JUP: variants seen among roughly 807,000 people sequenced by gnomAD.
JUP encodes the protein junction plakoglobin.
JUP carries 28 observed loss-of-function variants against 71.1 expected under a neutral mutation model. The ratio of observed to expected loss-of-function variants is 0.39; its 90% CI spans 0.29 to 0.54. JUP has a LOEUF of 0.54. Ranked by LOEUF, JUP falls within the 20% of genes least tolerant of loss-of-function variation. JUP has a pLI of 0.62. For missense variants in JUP, 869 were observed against 1,030.1 expected (o/e 0.84, Z 2.14); for synonymous variants, 401 against 438.9 (o/e 0.91, Z 1.08).
At chr17:41,764,466 C>T (rs1237418852) in intron 7 of JUP, among the ~76,000 whole-genome samples, 1 of 130,794 alleles carries the variant, frequency 7.6e-6, no homozygotes, top group Non-Finnish European at 1.6e-5. Context: ...GCCCAGGAGG[C>T]GGAGCTTGCA....
At chr17:41,756,252 A>C (rs1555597852) in intron 12 of JUP, 38 bp from the exon 13 acceptor site, 1 of 1,602,570 alleles carries the variant, frequency 6.2e-7, no homozygotes, top group East Asian at 2.2e-5. Context: ...GGAGGTTTGA[A>C]AATGCAGGCT....
Position 41,763,100 on chromosome 17 carries a change from G to A in JUP, c.1380C>T (p.Arg460=), listed in dbSNP as rs782212737. ...CCTCAGGGTGGCGGCTAGTGAGGTG[G>A]CGCAGAGCGCAGACGGCAGGCTCCG... ...DITEPAVCAL[R]HLTSRHPEAE... Residue 460 remains arginine (R), a synonymous_variant, in exon 8 of 14, where the codon CGC becomes CGT. Coordinates refer to ENST00000393931, the MANE Select transcript of JUP (RefSeq NM_002230.4). 8.1e-6 allele frequency: 13 copies of A among 1,614,170 alleles called. 1 individual carries two copies. The highest frequency in any genetic ancestry group is 7.7e-5 in the South Asian group (7 of 91,086).
At chr17:41,776,442 G>A (rs554619500) in intron 1 of JUP, among the ~76,000 whole-genome samples, 24 of 152,358 alleles carry the variant, frequency 1.6e-4, no homozygotes, top group East Asian at 1.4e-3. Flanking sequence ...GCCAGCTGGC[G>A]CAGTGGCTCG....
intron 1 of JUP, among the ~76,000 whole-genome samples, chr17:41,774,360 ATC>A (rs1400014564): frequency 6.6e-6 from 1 of 151,662 alleles, no homozygotes; most frequent in Non-Finnish European, 1.5e-5. Context: ...TTGAGACAGA[ATC>A]TCTCTCTGTC....
intron 1 of JUP, among the ~76,000 whole-genome samples, chr17:41,781,184 C>CAA (rs781830763): frequency 4.1e-4 from 25 of 61,588 alleles, no homozygotes; most frequent in African/African-American, 1.1e-3. Flanking sequence ...GACTCCGTCT[C>CAA]AAAAAAAAAA....
In JUP at chr17:41,758,492, C is replaced by G; in HGVS notation, c.1680G>C (p.Val560=). The part of the protein sequence containing the change: ...YTDGVRMEEI[V]EGCTGALHIL... ...TGTGCAGTGCTCCGGTGCAGCCCTCCACAATCTCCTCCATCCTCACACCAT... is the reference window on the plus strand; with the variant it reads ...TGTGCAGTGCTCCGGTGCAGCCCTCGACAATCTCCTCCATCCTCACACCAT... The change falls in exon 10 of 14, where the codon GTG becomes GTC. Residue 560 remains valine (V), a synonymous_variant. Coordinates refer to ENST00000393931, the MANE Select transcript of JUP (RefSeq NM_002230.4). 1 of 1,613,502 alleles carries G rather than the reference C, an allele frequency of 6.2e-7. No homozygotes were observed. Among genetic ancestry groups the G allele is most frequent in the African/African-American group, 1.3e-5 (1 of 75,032 alleles).
intron 8 of JUP, 23 bp from the exon 9 acceptor site, chr17:41,758,893 TCAGG>T (rs1555599904): frequency 6.3e-7 from 1 of 1,599,510 alleles, no homozygotes; most frequent in Admixed American, 1.7e-5. Context: ...GGGGCAGTGA[TCAGG>T]GGCACTTCTT....
At chr17:41,778,281 T>TA (rs781921895) in intron 1 of JUP, among the ~76,000 whole-genome samples, 14 of 152,166 alleles carry the variant, frequency 9.2e-5, no homozygotes, top group Non-Finnish European at 7.3e-5. Flanking sequence ...TCTGTTACTG[T>TA]AGGCAGGGTG....
At chr17:41,758,690 T>A (rs781974373) in intron 9 of JUP, 25 bp downstream of exon 9, 4 of 1,597,554 alleles carry the variant, frequency 2.5e-6, no homozygotes, top group Middle Eastern at 3.3e-4. Context: ...AGGAAGGCTG[T>A]CAGAGGCACC....
chr17:41,760,245 G>C (rs193242024), intron 8 of JUP, among the ~76,000 whole-genome samples: 1 of 151,388 alleles, frequency 6.6e-6, no homozygotes, highest in Non-Finnish European at 1.5e-5. Context: ...GGTTTTTTTT[G>C]TTTGTTTGTT....
chr17:41,765,103 G>T, intron 5 of JUP, 36 bp from the exon 6 acceptor site: 1 of 1,607,580 alleles, frequency 6.2e-7, no homozygotes, highest in Non-Finnish European at 8.5e-7. Flanking sequence ...GAGATGGACG[G>T]GGAATATGAC....
chr17:41,783,919 AAAGTG>A lies in JUP; in HGVS notation c.-9+2664_-9+2668del, dbSNP rs1433200552. 3.5e-5 allele frequency among the ~76,000 whole-genome samples: 5 copies of A among 143,344 alleles called. No homozygotes were observed. In the South Asian group the frequency reaches 6.5e-4, roughly 19 times the overall value. 94.0% of individuals were successfully genotyped at this position (143,344 alleles called of 152,430 possible). On this transcript the variant is annotated intron_variant, in intron 1 of 13. Coordinates refer to ENST00000393931, the MANE Select transcript of JUP (RefSeq NM_002230.4). ...AAAAAAAAAAAAAAAAAAAAAAAAGAAAGTGCTTGGTTTCTGTAAAGTCTTACCTT... is the reference window on the plus strand; with the variant it reads ...AAAAAAAAAAAAAAAAAAAAAAAAGACTTGGTTTCTGTAAAGTCTTACCTT...
intron 1 of JUP, among the ~76,000 whole-genome samples, chr17:41,776,412 A>G (rs2046886544): frequency 6.6e-6 from 1 of 152,242 alleles, no homozygotes; most frequent in Non-Finnish European, 1.5e-5. Flanking sequence ...AAGAACAAAG[A>G]GATGGCAGAG....
intron 5 of JUP, among the ~76,000 whole-genome samples, chr17:41,766,323 G>T (rs576363016): frequency 1.5e-3 from 221 of 151,264 alleles, no homozygotes; most frequent in African/African-American, 5.2e-3. Flanking sequence ...AAAAGGAAAA[G>T]GAAAAGGAAA....
At chr17:41,781,880 G>A (rs888960823) in intron 1 of JUP, among the ~76,000 whole-genome samples, 2 of 152,120 alleles carry the variant, frequency 1.3e-5, no homozygotes, top group Admixed American at 6.5e-5. Context: ...TAAGTGCATC[G>A]GGCCTGCAGC....
chr17:41,756,725 C>A (rs563082489), intron 12 of JUP, among the ~76,000 whole-genome samples: 3 of 152,212 alleles, frequency 2.0e-5, no homozygotes, highest in Admixed American at 2.0e-4. Flanking sequence ...CATGGCGAAA[C>A]CGCGTCTCTA....
chr17:41,766,418 AT>A (rs869089413), intron 5 of JUP, among the ~76,000 whole-genome samples: 2 of 152,022 alleles, frequency 1.3e-5, no homozygotes. Flanking sequence ...GCAAAAAAAA[AT>A]TTTTTTTAAA....
rs782136684 is a variant in JUP at position 41,758,840 on chromosome 17, G to C, written c.1528C>G (p.Leu510Val). The change falls in exon 9 of 14, where the codon CTG becomes GTG. Residue 510 changes from leucine to valine, a missense_variant. By Grantham distance (32) the Leu-to-Val change is conservative. Coordinates refer to ENST00000393931, the MANE Select transcript of JUP (RefSeq NM_002230.4). ...AGCGGGGCATGGTTGGCTGGGCACA[G>C]GGCCAGATTCCTGATCAAGCCGATG... ...ATIGLIRNLA[L>V]CPANHAPLQE... 6.2e-7 allele frequency: 1 copy of C among 1,609,572 alleles called. No individual in the cohort carries two copies. Among genetic ancestry groups the C allele is most frequent in the Non-Finnish European group, 8.5e-7 (1 of 1,177,090 alleles).
intron 1 of JUP, chr17:41,786,023 G>C (rs555823047): frequency 6.6e-6 from 1 of 152,362 alleles, no homozygotes; most frequent in East Asian, 1.9e-4. Flanking sequence ...TCACCTGCTC[G>C]GCAGGTGGGG....
Sources: gnomAD v4.1 joint callset for allele counts (sites outside exome capture counted in the v4.1 genomes callset) on GRCh38, gnomAD v4.1.1 for gene constraint, MANE v1.5 for transcripts, NCBI Gene and HGNC (gene_info 2026-07-23, HGNC 2026-07-21) for gene names.